RASAL1: variants seen among roughly 807,000 people sequenced by gnomAD.
The protein encoded by RASAL1 is RAS protein activator like 1.
Under a neutral mutation model 96.6 loss-of-function variants are expected in RASAL1, and 72 were observed. The observed-to-expected ratio is 0.75, with a 90% CI of 0.62 to 0.91. RASAL1 has a LOEUF of 0.91. Ranked by LOEUF, RASAL1 falls within the 40% of genes least tolerant of loss-of-function variation. The pLI is 0.00. For missense variants in RASAL1, 1,016 were observed against 1,072.5 expected (o/e 0.95, Z 0.74); for synonymous variants, 405 against 430.4 (o/e 0.94, Z 0.73).
In RASAL1 at chr12:113,107,486, G is replaced by T. The variant is rs1268214823; in HGVS notation, c.1513-245C>A. On this transcript the variant is annotated intron_variant, in intron 14 of 20. Coordinates refer to ENST00000548055, the MANE Select transcript of RASAL1 (RefSeq NM_001301202.2). ...AAAAATGCAAAAATTAGCTGGTCGT[G>T]GTGGCTCACGCCTGTAAATCCAGCT... 13 of 597,064 alleles carry T rather than the reference G, an allele frequency of 2.2e-5. 1 individual carries two copies. The highest frequency in any genetic ancestry group is 2.0e-4 in the South Asian group (13 of 65,054). The allele number at this position is 597,064 out of a possible 1,614,324, so 37.0% of individuals were successfully genotyped here.
chr12:113,108,063 G>T (rs1392953079), intron 14 of RASAL1, 22 bp downstream of exon 14: 1 of 1,601,502 alleles, frequency 6.2e-7, no homozygotes, highest in Non-Finnish European at 8.5e-7. Flanking sequence ...TACCTAGGAT[G>T]GGGGAAACCC....
Position 113,108,174 on chromosome 12 carries a change from C to G in RASAL1, c.1423G>C (p.Ala475Pro). 6.2e-7 allele frequency: 1 copy of G among 1,613,236 alleles called. No individual in the cohort carries two copies. The highest frequency in any genetic ancestry group is 8.5e-7 in the Non-Finnish European group (1 of 1,179,684). ...AGCTTTGGGGTAAGGATGGCAGGTG[C>G]GAAGAATCGCAAGAAGAGAAATCCA... ...ISGFLFLRFF[A>P]PAILTPKLFD... Residue 475 changes from alanine (A) to proline (P), a missense_variant, in exon 14 of 21, where the codon GCA (alanine) becomes CCA (proline). Coordinates refer to ENST00000548055, the MANE Select transcript of RASAL1 (RefSeq NM_001301202.2).
rs748035988 is a variant in RASAL1, at chr12:113,127,869, C to G, written c.241G>C (p.Asp81His). 1 of 1,613,316 alleles carries G rather than the reference C, an allele frequency of 6.2e-7. No individual in the cohort carries two copies. The highest frequency in any genetic ancestry group is 8.5e-7 in the Non-Finnish European group (1 of 1,179,384). Residue 81 changes from aspartate to histidine, a missense_variant, in exon 4 of 21, where the codon GAC (aspartate) becomes CAC (histidine). Transcript: ENST00000548055. ...AGCGAGATCTTGCCGATGATGTCGT[C>G]GTGCCTGCAGGAAGGCGGGCACGTG... Reference protein sequence around the residue: ...YVLDEDTVGHDDIIGKISLSR... With the variant: ...YVLDEDTVGHHDIIGKISLSR...
chr12:113,103,275 C>T (rs1249490557), intron 18 of RASAL1, among the ~76,000 whole-genome samples: 1 of 149,834 alleles, frequency 6.7e-6, no homozygotes, highest in Non-Finnish European at 1.5e-5. Flanking sequence ...CATTGTTATA[C>T]ATTGTATATA....
In RASAL1 at chr12:113,130,873, G is replaced by A. The variant is rs375972115; in HGVS notation, c.122+12C>T. 2.7e-5 allele frequency: 44 copies of A among 1,610,624 alleles called. No individual in the cohort carries two copies. Among genetic ancestry groups the A allele is most frequent in the African/African-American group, 9.3e-5 (7 of 74,882 alleles). ...CTCCCTTCCTCCTCTCCCCCGTGTC[G>A]CCACCCCTCACCTGGCCACCACCTC... is the stretch of plus-strand genomic sequence containing the variant. On this transcript the variant is annotated intron_variant, in intron 2 of 20. Coordinates refer to ENST00000548055, the MANE Select transcript of RASAL1 (RefSeq NM_001301202.2). The surrounding 1 kb of genome is among the most constrained non-coding windows in gnomAD (Gnocchi z 5.1).
intron 4 of RASAL1, among the ~76,000 whole-genome samples, chr12:113,124,208 ACT>A (rs1256571107): frequency 4.2e-5 from 5 of 118,118 alleles, no homozygotes; most frequent in African/African-American, 1.0e-4. Flanking sequence ...ATAGAGCGAG[ACT>A]CTGTCTCAAA....
chr12:113,130,939 G>A lies in RASAL1; in HGVS notation c.68C>T (p.Ser23Phe). Residue 23 changes from serine (S) to phenylalanine (F), a missense_variant and splice_region_variant, in exon 2 of 21, where the codon TCT (serine) becomes TTT (phenylalanine). By Grantham distance (155) the Ser-to-Phe change is radical. Transcript: ENST00000548055. This position sits in a 1 kb window ranked among gnomAD's most constrained non-coding sequence, Gnocchi z 5.1. ...EGRALPAKDV[S>F]GSSDPYCLVK... is the part of the protein sequence containing the mutation. ...TAGGCAGTAGGGGTCGCTGCTCCCA[G>A]ACCTGCAGAAGGAGGGAGTTCAGGG... The A allele has an allele frequency of 6.2e-7, 1 of 1,613,292 alleles. No individual in the cohort carries two copies. Among genetic ancestry groups the A allele is most frequent in the Non-Finnish European group, 8.5e-7 (1 of 1,179,690 alleles).
chr12:113,115,833 C>G lies in RASAL1; in HGVS notation c.850-45G>C. 6.2e-7 allele frequency: 1 copy of G among 1,610,950 alleles called. No homozygotes were observed. Among genetic ancestry groups the G allele is most frequent in the Non-Finnish European group, 8.5e-7 (1 of 1,178,202 alleles). ...AAAGATGACCTCGGCCCCTGGGACCCCAAAGCAGATGGGCCTAGATAGGGC... is the reference window on the plus strand; with the variant it reads ...AAAGATGACCTCGGCCCCTGGGACCGCAAAGCAGATGGGCCTAGATAGGGC... On this transcript the variant is annotated intron_variant, in intron 9 of 20. Coordinates refer to ENST00000548055, the MANE Select transcript of RASAL1 (RefSeq NM_001301202.2). The surrounding 1 kb of genome is among the most constrained non-coding windows in gnomAD (Gnocchi z 4.1).
In RASAL1 at chr12:113,115,319, C is replaced by T. The variant is rs1032826547; in HGVS notation, c.1004-55G>A. ...GATTTAGGGAGCTGAACCCAGCTCACCCCACTCACCCAAGGTGGGAGTCAT... is the reference window on the plus strand; with the variant it reads ...GATTTAGGGAGCTGAACCCAGCTCATCCCACTCACCCAAGGTGGGAGTCAT... On this transcript the variant is annotated intron_variant, in intron 10 of 20. Coordinates refer to ENST00000548055, the MANE Select transcript of RASAL1 (RefSeq NM_001301202.2). This position sits in a 1 kb window ranked among gnomAD's most constrained non-coding sequence, Gnocchi z 4.1. 1 of 1,486,884 alleles carries T rather than the reference C, an allele frequency of 6.7e-7. No homozygotes were observed. The highest frequency in any genetic ancestry group is 9.4e-7 in the Non-Finnish European group (1 of 1,064,606). The allele number at this position is 1,486,884 out of a possible 1,614,324, so 92.1% of individuals were successfully genotyped here.
chr12:113,110,435 C>T (rs144658188), intron 13 of RASAL1, among the ~76,000 whole-genome samples: 1 of 152,314 alleles, frequency 6.6e-6, no homozygotes, highest in East Asian at 1.9e-4. Flanking sequence ...GATACATCAG[C>T]ACTACGTAAG....
chr12:113,122,026 A>G (rs985611032), intron 4 of RASAL1, among the ~76,000 whole-genome samples: 2 of 152,034 alleles, frequency 1.3e-5, no homozygotes, highest in African/African-American at 4.8e-5. Flanking sequence ...TCCTGCCTCA[A>G]TTAAAATTAA....
upstream of RASAL1, chr12:113,136,006 C>G (rs1951903091): frequency 6.5e-6 from 1 of 154,200 alleles, no homozygotes; most frequent in Non-Finnish European, 1.4e-5. Flanking sequence ...TGTGCCCCCG[C>G]CTGTCCCTCA....
Position 113,100,677 on chromosome 12 carries a change from C to T in RASAL1, c.2229G>A (p.Leu743=), listed in dbSNP as rs1185450014. 15 of 1,608,886 alleles carry T rather than the reference C, an allele frequency of 9.3e-6. No homozygotes were observed. The highest frequency in any genetic ancestry group is 1.3e-5 in the Non-Finnish European group (15 of 1,176,078). Reference sequence around the variant, plus strand: ...CCATGTTAGAATCCTCCAGTAATTTCAGCCTGGAAGGTAAGAGGGAGAAAG... The same window carrying T: ...CCATGTTAGAATCCTCCAGTAATTTTAGCCTGGAAGGTAAGAGGGAGAAAG... The part of the protein sequence containing the change: ...QLLLGRDQLR[L]KLLEDSNMDT... Residue 743 remains leucine (L), a synonymous_variant, in exon 20 of 21, where the codon CTG becomes CTA. Coordinates refer to ENST00000548055, the MANE Select transcript of RASAL1 (RefSeq NM_001301202.2).
In RASAL1 at chr12:113,107,131, G is replaced by A. The variant is rs763284598; in HGVS notation, c.1623C>T (p.Phe541=). ...CATCCACATCCACCAGCCGGTCCAG[G>A]AAGTCTCTCACACGTGAGACACACT... ...LLQCVSRVRD[F]LDRLVDVDGD... The change falls in exon 15 of 21, where the codon TTC becomes TTT. Residue 541 remains phenylalanine (F), a synonymous_variant. Transcript: ENST00000548055. 1.9e-6 allele frequency: 3 copies of A among 1,613,576 alleles called. No homozygotes were observed. Among genetic ancestry groups the A allele is most frequent in the Non-Finnish European group, 2.5e-6 (3 of 1,179,694 alleles).
chr12:113,127,721 C>T, intron 4 of RASAL1, 91 bp downstream of exon 4: 1 of 1,063,866 alleles, frequency 9.4e-7, no homozygotes, highest in Non-Finnish European at 1.4e-6. Flanking sequence ...CCACTGAAGG[C>T]TCTGTGCTTC....
At chr12:113,114,126 T>A (rs1592917714) in intron 12 of RASAL1, among the ~76,000 whole-genome samples, 1 of 152,168 alleles carries the variant, frequency 6.6e-6, no homozygotes, top group Non-Finnish European at 1.5e-5. Context: ...AGAAGTAGTG[T>A]GTGCATTAAG....
At chr12:113,119,581 A>T in intron 5 of RASAL1, 138 bp from the exon 6 acceptor site, 1 of 815,150 alleles carries the variant, frequency 1.2e-6, no homozygotes, top group Non-Finnish European at 2.0e-6. Context: ...AGCTAGGGAC[A>T]CCCCTAACCA....
intron 1 of RASAL1, among the ~76,000 whole-genome samples, chr12:113,133,758 AC>A (rs139876323): frequency 2.0e-4 from 30 of 151,640 alleles, no homozygotes; most frequent in Non-Finnish European, 4.3e-4. Context: ...GGTGGCCAGA[AC>A]CCCCCCTGCC....
chr12:113,124,546 GT>G (rs1200861477), intron 4 of RASAL1, among the ~76,000 whole-genome samples: 6 of 152,234 alleles, frequency 3.9e-5, no homozygotes, highest in African/African-American at 1.4e-4. Context: ...CTGGGAGGAT[GT>G]TTGAGGTACA....
Sources: allele counts gnomAD v4.1 joint callset (sites outside exome capture counted in the v4.1 genomes callset), GRCh38; gene constraint gnomAD v4.1.1; non-coding constraint Gnocchi (gnomAD v3.1); transcripts MANE v1.5; gene names NCBI Gene and HGNC (gene_info 2026-07-23, HGNC 2026-07-21).